PDE3A: variants seen among roughly 807,000 people sequenced by gnomAD.
PDE3A encodes cGMP-inhibited 3',5'-cyclic phosphodiesterase 3A.
PDE3A carries 43 observed loss-of-function variants against 98.3 expected under a neutral mutation model. That is an observed-to-expected ratio of 0.44 (90% CI 0.34 to 0.56). The LOEUF (loss-of-function observed/expected upper bound fraction) is 0.56, where lower values mean the gene tolerates loss of function less well. PDE3A is among the 20% of genes least tolerant of loss of function. The pLI, the probability that PDE3A is intolerant of heterozygous loss-of-function variation, is 0.01. For synonymous variants in PDE3A, 663 were observed against 567.9 expected (o/e 1.17, Z -2.38); for missense variants, 1,427 against 1,440.7 (o/e 0.99, Z 0.15).
chr12:20,604,656 A>G (rs550959545), intron 2 of PDE3A, among the ~76,000 whole-genome samples: 1 of 152,296 alleles, frequency 6.6e-6, no homozygotes, highest in East Asian at 1.9e-4. Flanking sequence ...AATTAGGACA[A>G]ATAGCTGGTC....
At chr12:20,676,265 G>A (rs1023108540) in intron 15 of PDE3A, among the ~76,000 whole-genome samples, 1 of 152,080 alleles carries the variant, frequency 6.6e-6, no homozygotes, top group Non-Finnish European at 1.5e-5. Context: ...TGGTCTAGTG[G>A]TGATGAATTC....
In PDE3A at chr12:20,681,630, A is replaced by G. The variant is rs1272054345; in HGVS notation, c.*1359A>G. The G allele has an allele frequency of 1.3e-5, 2 of 152,190 alleles. No individual in the cohort carries two copies. Among genetic ancestry groups the G allele is most frequent in the African/African-American group, 2.4e-5 (1 of 41,450 alleles). The allele number at this position is 152,190 out of a possible 1,614,324, so 9.4% of individuals were successfully genotyped here. ...CACGCTGTTTGTTGGGGTAGCTTCC[A>G]TCGGCAGTCTGGCCCATTGTCAGTC... On this transcript the variant is annotated 3_prime_UTR_variant, in exon 16 of 16. Coordinates refer to ENST00000359062, the MANE Select transcript of PDE3A (RefSeq NM_000921.5).
intron 1 of PDE3A, among the ~76,000 whole-genome samples, chr12:20,524,783 T>A (rs1946485382): frequency 6.6e-6 from 1 of 152,036 alleles, no homozygotes; most frequent in South Asian, 2.1e-4. Flanking sequence ...CCCTAATCTG[T>A]CTCACCCCAT....
At chr12:20,384,655 A>T (rs147744775) in intron 1 of PDE3A, among the ~76,000 whole-genome samples, 1 of 151,868 alleles carries the variant, frequency 6.6e-6, no homozygotes, top group Non-Finnish European at 1.5e-5. Context: ...CCCAGCAAGC[A>T]TTAACTATTT....
At position 20,369,582 on chromosome 12, in the gene PDE3A, G is replaced by A; in HGVS notation, c.298G>A (p.Glu100Lys). 1 of 1,557,798 alleles carries A rather than the reference G, an allele frequency of 6.4e-7. No homozygotes were observed. The highest frequency in any genetic ancestry group is 1.7e-4 in the Middle Eastern group (1 of 5,854). ...GTGTAAGGAGGCGGCGGCGGCGGAG[G>A]AGGAGGAAGCAGCCCCGGGAGCAGA... ...EQCKEAAAAE[E>K]EEAAPGAEGG... is the part of the protein sequence containing the mutation. Residue 100 changes from glutamate (E) to lysine (K), a missense_variant, in exon 1 of 16, where the codon GAG (glutamate) becomes AAG (lysine). This residue lies in a region of PDE3A where 1,012 missense variants were observed against 886.5 expected (regional missense o/e 1.14). Transcript: ENST00000359062.
intron 1 of PDE3A, among the ~76,000 whole-genome samples, chr12:20,525,467 T>TGG (rs58441527): frequency 2.8e-4 from 39 of 139,948 alleles, no homozygotes; most frequent in East Asian, 1.3e-3. Flanking sequence ...CTGATTTGGT[T>TGG]GGGGGGGGGG....
intron 1 of PDE3A, among the ~76,000 whole-genome samples, chr12:20,373,568 C>A (rs1943517728): frequency 6.6e-6 from 1 of 151,958 alleles, no homozygotes; most frequent in African/African-American, 2.4e-5. Context: ...TTACTGAGAC[C>A]ACCTTACACA....
chr12:20,452,462 G>T (rs1258791225), intron 1 of PDE3A, among the ~76,000 whole-genome samples: 1 of 152,102 alleles, frequency 6.6e-6, no homozygotes, highest in Non-Finnish European at 1.5e-5. Context: ...TTTGCAATGT[G>T]TCTCCAAATG....
chr12:20,642,444 A>G lies in PDE3A; in HGVS notation c.2251+2487A>G, dbSNP rs79473956. Among the ~76,000 whole-genome samples, 1,124 of 152,342 alleles carry G rather than the reference A, an allele frequency of 7.4e-3. 12 individuals carry two copies. Among genetic ancestry groups the G allele is most frequent in the South Asian group, 0.048 (231 of 4,832 alleles). ...TAAATTAATGTATGGTGAATACCCA[A>G]TTGCATAAGGAGATAAATAATGTTT... On this transcript the variant is annotated intron_variant, in intron 10 of 15. Coordinates refer to ENST00000359062, the MANE Select transcript of PDE3A (RefSeq NM_000921.5).
intron 1 of PDE3A, among the ~76,000 whole-genome samples, chr12:20,496,266 A>T (rs746423534): frequency 2.0e-5 from 3 of 152,180 alleles, no homozygotes; most frequent in Non-Finnish European, 2.9e-5. Flanking sequence ...TGATGAAGTG[A>T]TAAGCTCAAA....
chr12:20,649,663 C>T (rs1023827127), intron 13 of PDE3A, among the ~76,000 whole-genome samples: 27 of 152,228 alleles, frequency 1.8e-4, no homozygotes, highest in Non-Finnish European at 2.4e-4. Flanking sequence ...CAATGGCTCA[C>T]GCCTATAATC....
intron 4 of PDE3A, among the ~76,000 whole-genome samples, chr12:20,617,604 T>C (rs1274796129): frequency 6.6e-6 from 1 of 152,182 alleles, no homozygotes; most frequent in Non-Finnish European, 1.5e-5. Flanking sequence ...AATAGTATTA[T>C]AGTTAACTAT....
chr12:20,478,619 T>A (rs1945569863), intron 1 of PDE3A, among the ~76,000 whole-genome samples: 1 of 152,204 alleles, frequency 6.6e-6, no homozygotes, highest in Non-Finnish European at 1.5e-5. Context: ...AACGTAATGG[T>A]GTAAATGTTT....
chr12:20,574,484 C>T (rs1942879541), intron 2 of PDE3A, among the ~76,000 whole-genome samples: 1 of 152,018 alleles, frequency 6.6e-6, no homozygotes, highest in Non-Finnish European at 1.5e-5. Flanking sequence ...GAGTCAGTAT[C>T]TACTTTGAAA....
chr12:20,370,378 G>C, intron 1 of PDE3A, 134 bp downstream of exon 1: 3 of 534,508 alleles, frequency 5.6e-6, no homozygotes, highest in Non-Finnish European at 8.6e-6. Flanking sequence ...TCAGAATTAA[G>C]AAACTAGCAG....
Position 20,484,423 on chromosome 12 carries a change from C to A in PDE3A, c.961-72237C>A, listed in dbSNP as rs980510061. 2.0e-5 allele frequency among the ~76,000 whole-genome samples: 3 copies of A among 152,092 alleles called. No individual in the cohort carries two copies. In the East Asian group the frequency reaches 5.8e-4, roughly 29 times the overall value. On this transcript the variant is annotated intron_variant, in intron 1 of 15. Coordinates refer to ENST00000359062, the MANE Select transcript of PDE3A (RefSeq NM_000921.5). ...TATAATCAGTGTTCCCCCAAATCAACGTATCTCTCTTGTACAATTTCTCAT... is the reference window on the plus strand; with the variant it reads ...TATAATCAGTGTTCCCCCAAATCAAAGTATCTCTCTTGTACAATTTCTCAT...
intron 1 of PDE3A, among the ~76,000 whole-genome samples, chr12:20,518,377 GT>G (rs2121140833): frequency 6.6e-6 from 1 of 151,918 alleles, no homozygotes; most frequent in African/African-American, 2.4e-5. Context: ...AGGGCTCAGA[GT>G]TAGAGCTTCA....
At chr12:20,386,602 A>C (rs34256056) in intron 1 of PDE3A, among the ~76,000 whole-genome samples, 61,004 of 151,694 alleles carry the variant, frequency 0.4, 13,749 homozygotes, top group East Asian at 0.59. Context: ...TGGCCTCCCA[A>C]AATGTGGGAT....
At chr12:20,534,084 C>G (rs868649251) in intron 1 of PDE3A, among the ~76,000 whole-genome samples, 1 of 152,170 alleles carries the variant, frequency 6.6e-6, no homozygotes, top group Non-Finnish European at 1.5e-5. Context: ...TGGTAAAACC[C>G]TCTTCAACCT....
Sources: allele counts gnomAD v4.1 joint callset (sites outside exome capture counted in the v4.1 genomes callset), GRCh38; gene constraint gnomAD v4.1.1; regional missense constraint gnomAD v4.1.1; transcripts MANE v1.5; gene names NCBI Gene and HGNC (gene_info 2026-07-23, HGNC 2026-07-21).